Variants in TUBA1A observed in about 807,000 individuals in gnomAD.
TUBA1A encodes the protein tubulin alpha-1A chain.
Under a neutral mutation model 34.6 loss-of-function variants are expected in TUBA1A, and 7 were observed. The observed-to-expected ratio is 0.20, with a 90% CI of 0.11 to 0.38. The LOEUF (loss-of-function observed/expected upper bound fraction) is 0.38, where lower values mean the gene tolerates loss of function less well. Among genes scored for constraint, TUBA1A ranks in the 10% least tolerant of loss-of-function variants. The pLI, the probability that TUBA1A is intolerant of heterozygous loss-of-function variation, is 1.00. For missense variants in TUBA1A, 19 were observed against 581.3 expected (o/e 0.03, Z 9.95); for synonymous variants, 193 against 210.2 (o/e 0.92, Z 0.71).
chr12:49,185,023 CCTT>C lies in TUBA1A; in HGVS notation c.1340_1342del (p.Glu447del). On this transcript the variant is annotated inframe_deletion, in exon 4 of 4. Transcript: ENST00000301071. ...GACGTTTTAACTTTAGTATTCCTCT[CCTT>C]CTTCCTCACCCTCTCCTTCAACAGA... 2 of 1,614,176 alleles carry C rather than the reference CCTT, an allele frequency of 1.2e-6. No individual in the cohort carries two copies. The highest frequency in any genetic ancestry group is 1.7e-6 in the Non-Finnish European group (2 of 1,179,998).
chr12:49,187,166 G>A, intron 1 of TUBA1A: 1 of 1,193,948 alleles, frequency 8.4e-7, no homozygotes, highest in South Asian at 2.0e-5. Flanking sequence ...ATCCAATTAT[G>A]ACTTAATTGG....
At position 49,186,167 on chromosome 12, in the gene TUBA1A, C is replaced by T. The variant is rs1366116649; in HGVS notation, c.375+143G>A. ...AATGACATCAAATAGTTCATTTTAACTGAATTTTAAAAACCCCAAAAGAAT... is the reference window on the plus strand; with the variant it reads ...AATGACATCAAATAGTTCATTTTAATTGAATTTTAAAAACCCCAAAAGAAT... On this transcript the variant is annotated intron_variant, in intron 3 of 3. Transcript: ENST00000301071. This position sits in a 1 kb window ranked among gnomAD's most constrained non-coding sequence, Gnocchi z 6.6. 12 of 1,558,714 alleles carry T rather than the reference C, an allele frequency of 7.7e-6. No homozygotes were observed. The highest frequency in any genetic ancestry group is 1.0e-5 in the Non-Finnish European group (12 of 1,149,762).
rs980457598 is a variant in TUBA1A, at chr12:49,189,017, C to T, written c.-38G>A. On this transcript the variant is annotated 5_prime_UTR_variant, in exon 1 of 4. Transcript: ENST00000301071. ...GCGACTGCCGAGCTGATGGCGGAGA[C>T]GAAGAGGAGAGGTTGTTGCTTCTTA... 6.2e-7 allele frequency: 1 copy of T among 1,613,980 alleles called. No individual in the cohort carries two copies. The highest frequency in any genetic ancestry group is 1.3e-5 in the African/African-American group (1 of 75,042).
At position 49,188,023 on chromosome 12, in the gene TUBA1A, G is replaced by C. The variant is rs13377721; in HGVS notation, c.3+954C>G. The C allele has an allele frequency of 0.01, 9,225 of 895,944 alleles. 489 individuals carry two copies. The African/African-American group carries it at 0.14, about 14-fold the overall frequency. The allele number at this position is 895,944 out of a possible 1,614,324, so 55.5% of individuals were successfully genotyped here. A position where few individuals can be genotyped will look rare whatever the true frequency, so the allele number is the denominator to read the frequency against. On this transcript the variant is annotated intron_variant, in intron 1 of 3. Coordinates refer to ENST00000301071, the MANE Select transcript of TUBA1A (RefSeq NM_006009.4). The surrounding 1 kb of genome is among the most constrained non-coding windows in gnomAD (Gnocchi z 4.9). ...AACGTGCAGTCCAGACAGACAGACAGACACACACACACACACACACACACT... is the reference window on the plus strand; with the variant it reads ...AACGTGCAGTCCAGACAGACAGACACACACACACACACACACACACACACT...
intron 1 of TUBA1A, chr12:49,187,762 TA>T: frequency 3.0e-6 from 3 of 984,624 alleles, no homozygotes; most frequent in Non-Finnish European, 3.6e-6. Flanking sequence ...ATGAAATATT[TA>T]TTTAAAACAA....
chr12:49,187,754 G>A, intron 1 of TUBA1A: 3 of 983,904 alleles, frequency 3.0e-6, no homozygotes, highest in Non-Finnish European at 3.6e-6. Flanking sequence ...GAAGGATAAT[G>A]AAATATTTAT....
At position 49,188,629 on chromosome 12, in the gene TUBA1A, C is replaced by A; in HGVS notation, c.3+348G>T. ...AGTGGCCCCTCAGCATCAGCGAAAC[C>A]GTGCGCACAGACACGGGGCCCAGCC... On this transcript the variant is annotated intron_variant, in intron 1 of 3. Transcript: ENST00000301071. This position sits in a 1 kb window ranked among gnomAD's most constrained non-coding sequence, Gnocchi z 4.9. 5 of 1,439,030 alleles carry A rather than the reference C, an allele frequency of 3.5e-6. No individual in the cohort carries two copies. The South Asian group carries it at 4.4e-5, about 13-fold the overall frequency. The allele number at this position is 1,439,030 out of a possible 1,614,324, so 89.1% of individuals were successfully genotyped here. A position where few individuals can be genotyped will look rare whatever the true frequency, so the allele number is the denominator to read the frequency against.
In TUBA1A at chr12:49,188,386, C is replaced by T. The variant is rs1013737370; in HGVS notation, c.3+591G>A. On this transcript the variant is annotated intron_variant, in intron 1 of 3. Coordinates refer to ENST00000301071, the MANE Select transcript of TUBA1A (RefSeq NM_006009.4). The surrounding 1 kb of genome is among the most constrained non-coding windows in gnomAD (Gnocchi z 4.9). ...ACCCCGCCCCTGCGCCGCCCTGACA[C>T]CCGCTGCCGGGGGCTCCGGCAGAAA... 77 of 1,535,624 alleles carry T rather than the reference C, an allele frequency of 5.0e-5. No individual in the cohort carries two copies. Among genetic ancestry groups the T allele is most frequent in the Non-Finnish European group, 6.1e-5 (70 of 1,146,674 alleles).
chr12:49,188,783 A>G lies in TUBA1A; in HGVS notation c.3+194T>C. On this transcript the variant is annotated intron_variant, in intron 1 of 3. Coordinates refer to ENST00000301071, the MANE Select transcript of TUBA1A (RefSeq NM_006009.4). This position sits in a 1 kb window ranked among gnomAD's most constrained non-coding sequence, Gnocchi z 4.9. ...CGCTCTGCTGCGCCCTGGGCGCAGTACTGGCCCGGTTCCTGCACCCGCACT... is the reference window on the plus strand; with the variant it reads ...CGCTCTGCTGCGCCCTGGGCGCAGTGCTGGCCCGGTTCCTGCACCCGCACT... 6.3e-7 allele frequency: 1 copy of G among 1,581,618 alleles called. No homozygotes were observed. Among genetic ancestry groups the G allele is most frequent in the East Asian group, 2.3e-5 (1 of 44,410 alleles).
Position 49,186,841 on chromosome 12 carries a change from G to C in TUBA1A, c.4-8C>G, listed in dbSNP as rs777476420. On this transcript the variant is annotated splice_region_variant and splice_polypyrimidine_tract_variant and intron_variant, in intron 1 of 3. Transcript: ENST00000301071. This position sits in a 1 kb window ranked among gnomAD's most constrained non-coding sequence, Gnocchi z 6.6. ...GATGGAGATGCACTCACGCTGTGGG[G>C]AGGAAAAGTGAAAAAATCGTAAAAT... The C allele has an allele frequency of 8.7e-6, 14 of 1,614,116 alleles. No homozygotes were observed. The highest frequency in any genetic ancestry group is 1.2e-5 in the Non-Finnish European group (14 of 1,180,024).
At position 49,188,664 on chromosome 12, in the gene TUBA1A, C is replaced by G. The variant is rs1333029148; in HGVS notation, c.3+313G>C. On this transcript the variant is annotated intron_variant, in intron 1 of 3. Transcript: ENST00000301071. This position sits in a 1 kb window ranked among gnomAD's most constrained non-coding sequence, Gnocchi z 4.9. ...GACACGGGGCCCAGCCGGGACGCCCCAGACCCCTCGGTCGCGGCAGACGGG... is the reference window on the plus strand; with the variant it reads ...GACACGGGGCCCAGCCGGGACGCCCGAGACCCCTCGGTCGCGGCAGACGGG... 1 of 1,438,642 alleles carries G rather than the reference C, an allele frequency of 7.0e-7. No homozygotes were observed. The highest frequency in any genetic ancestry group is 9.1e-7 in the Non-Finnish European group (1 of 1,103,538). The allele number at this position is 1,438,642 out of a possible 1,614,324, so 89.1% of individuals were successfully genotyped here. A position where few individuals can be genotyped will look rare whatever the true frequency, so the allele number is the denominator to read the frequency against.
chr12:49,184,877 A>G lies in TUBA1A; in HGVS notation c.*133T>C. 2 of 1,449,706 alleles carry G rather than the reference A, an allele frequency of 1.4e-6. No individual in the cohort carries two copies. The highest frequency in any genetic ancestry group is 1.2e-5 in the South Asian group (1 of 85,912). The allele number at this position is 1,449,706 out of a possible 1,614,324, so 89.8% of individuals were successfully genotyped here. ...GTCTGTAACAAAGCATTCATGTTTT[A>G]GAGCATAGGTCAGTAATTGTATATG... On this transcript the variant is annotated 3_prime_UTR_variant, in exon 4 of 4. Coordinates refer to ENST00000301071, the MANE Select transcript of TUBA1A (RefSeq NM_006009.4).
Position 49,188,561 on chromosome 12 carries a change from GCCT to G in TUBA1A, c.3+413_3+415del. On this transcript the variant is annotated intron_variant, in intron 1 of 3. Coordinates refer to ENST00000301071, the MANE Select transcript of TUBA1A (RefSeq NM_006009.4). This position sits in a 1 kb window ranked among gnomAD's most constrained non-coding sequence, Gnocchi z 4.9. ...CCCAACGCCCCCGCTCTTTTTGGGTGCCTCCTCCTCTCCCGGTCCCCAGAGAAC... is the reference window on the plus strand; with the variant it reads ...CCCAACGCCCCCGCTCTTTTTGGGTGCCTCCTCTCCCGGTCCCCAGAGAAC... 1 of 1,484,342 alleles carries G rather than the reference GCCT, an allele frequency of 6.7e-7. No individual in the cohort carries two copies. Among genetic ancestry groups the G allele is most frequent in the Non-Finnish European group, 8.9e-7 (1 of 1,118,188 alleles). 91.9% of individuals were successfully genotyped at this position (1,484,342 alleles called of 1,614,324 possible).
Position 49,188,692 on chromosome 12 carries a change from G to A in TUBA1A, c.3+285C>T. On this transcript the variant is annotated intron_variant, in intron 1 of 3. Transcript: ENST00000301071. This position sits in a 1 kb window ranked among gnomAD's most constrained non-coding sequence, Gnocchi z 4.9. The stretch of plus-strand genomic sequence containing the variant: ...ACCCCTCGGTCGCGGCAGACGGGCT[G>A]CCCGCGGCCCCCGAAAGTCTCTCGG... 1 of 1,438,206 alleles carries A rather than the reference G, an allele frequency of 7.0e-7. No homozygotes were observed. Among genetic ancestry groups the A allele is most frequent in the Non-Finnish European group, 9.1e-7 (1 of 1,103,298 alleles). 89.1% of individuals were successfully genotyped at this position (1,438,206 alleles called of 1,614,324 possible).
In TUBA1A at chr12:49,188,395, G is replaced by C. The variant is rs1018246855; in HGVS notation, c.3+582C>G. On this transcript the variant is annotated intron_variant, in intron 1 of 3. Coordinates refer to ENST00000301071, the MANE Select transcript of TUBA1A (RefSeq NM_006009.4). This position sits in a 1 kb window ranked among gnomAD's most constrained non-coding sequence, Gnocchi z 4.9. ...CTGCGCCGCCCTGACACCCGCTGCCGGGGGCTCCGGCAGAAACTCACCATG... is the reference window on the plus strand; with the variant it reads ...CTGCGCCGCCCTGACACCCGCTGCCCGGGGCTCCGGCAGAAACTCACCATG... The C allele has an allele frequency of 9.1e-6, 14 of 1,534,850 alleles. No homozygotes were observed. The South Asian group carries it at 1.2e-4, about 13-fold the overall frequency.
Position 49,188,090 on chromosome 12 carries a change from A to ACC in TUBA1A, c.3+886_3+887insGG, listed in dbSNP as rs1942204759. On this transcript the variant is annotated intron_variant, in intron 1 of 3. Coordinates refer to ENST00000301071, the MANE Select transcript of TUBA1A (RefSeq NM_006009.4). The surrounding 1 kb of genome is among the most constrained non-coding windows in gnomAD (Gnocchi z 4.9). ...GGGCGTCCCACAGACACACACACAC[A>ACC]CACACACACACACACACACACACTT... The ACC allele has an allele frequency of 1.0e-6, 1 of 979,924 alleles. No individual in the cohort carries two copies. The highest frequency in any genetic ancestry group is 1.2e-6 in the Non-Finnish European group (1 of 826,032). The allele number at this position is 979,924 out of a possible 1,614,324, so 60.7% of individuals were successfully genotyped here. A position where few individuals can be genotyped will look rare whatever the true frequency, so the allele number is the denominator to read the frequency against.
In TUBA1A at chr12:49,186,048, C is replaced by G; in HGVS notation, c.376-58G>C. On this transcript the variant is annotated intron_variant, in intron 3 of 3. Coordinates refer to ENST00000301071, the MANE Select transcript of TUBA1A (RefSeq NM_006009.4). This position sits in a 1 kb window ranked among gnomAD's most constrained non-coding sequence, Gnocchi z 6.6. ...AAGTTTTTATTCTTTGTAGTACAAT[C>G]ATAGTAAATATATTTTCACTTTTCA... 1 of 1,603,984 alleles carries G rather than the reference C, an allele frequency of 6.2e-7. No individual in the cohort carries two copies. Among genetic ancestry groups the G allele is most frequent in the Non-Finnish European group, 8.5e-7 (1 of 1,175,236 alleles).
At position 49,186,257 on chromosome 12, in the gene TUBA1A, C is replaced by A; in HGVS notation, c.375+53G>T. 6.8e-6 allele frequency: 11 copies of A among 1,612,154 alleles called. No homozygotes were observed. Among genetic ancestry groups the A allele is most frequent in the Non-Finnish European group, 9.3e-6 (11 of 1,179,956 alleles). ...GTGTTTGAAAAAAAAAGCATTATTT[C>A]AAATGTGTTCTTTAGGCTCATTAAT... is the stretch of plus-strand genomic sequence containing the variant. On this transcript the variant is annotated intron_variant, in intron 3 of 3. Coordinates refer to ENST00000301071, the MANE Select transcript of TUBA1A (RefSeq NM_006009.4). The surrounding 1 kb of genome is among the most constrained non-coding windows in gnomAD (Gnocchi z 6.6).
chr12:49,184,885 G>T lies in TUBA1A; in HGVS notation c.*125C>A. 1 of 1,488,014 alleles carries T rather than the reference G, an allele frequency of 6.7e-7. No homozygotes were observed. The highest frequency in any genetic ancestry group is 9.4e-7 in the Non-Finnish European group (1 of 1,068,946). 92.2% of individuals were successfully genotyped at this position (1,488,014 alleles called of 1,614,324 possible). A position where few individuals can be genotyped will look rare whatever the true frequency, so the allele number is the denominator to read the frequency against. On this transcript the variant is annotated 3_prime_UTR_variant, in exon 4 of 4. Transcript: ENST00000301071. ...CAAAGCATTCATGTTTTAGAGCATA[G>T]GTCAGTAATTGTATATGAGAGCATA...
Sources: gnomAD v4.1 joint callset for allele counts on GRCh38, gnomAD v4.1.1 for gene constraint, Gnocchi (gnomAD v3.1) non-coding constraint, MANE v1.5 for transcripts, NCBI Gene and HGNC (gene_info 2026-07-23, HGNC 2026-07-21) for gene names.